ZSWIM5: variants seen among roughly 807,000 people sequenced by gnomAD.
ZSWIM5 encodes the protein zinc finger SWIM domain-containing protein 5.
In ZSWIM5, 55 loss-of-function variants were observed where a neutral mutation model predicts 119.6. That is an observed-to-expected ratio of 0.46 (90% CI 0.37 to 0.58). The LOEUF (loss-of-function observed/expected upper bound fraction) is 0.58. Among genes scored for constraint, ZSWIM5 ranks in the 20% least tolerant of loss-of-function variants. ZSWIM5 has a pLI of 0.00. For synonymous variants in ZSWIM5, 537 were observed against 606.9 expected (o/e 0.88, Z 1.69); for missense variants, 1,193 against 1,512.8 (o/e 0.79, Z 3.51).
chr1:45,120,371 C>A (rs1214878071), intron 1 of ZSWIM5, among the ~76,000 whole-genome samples: 2 of 152,158 alleles, frequency 1.3e-5, no homozygotes, highest in African/African-American at 4.8e-5. Context: ...CAAATTGACA[C>A]TAATACATTA....
rs1011465412 is a variant in ZSWIM5, at chr1:45,082,543, G to T, written c.952+5338C>A. On this transcript the variant is annotated intron_variant, in intron 2 of 13. Transcript: ENST00000359600. The stretch of plus-strand genomic sequence containing the variant: ...AGTCCTCACTCATCCAATACACTTG[G>T]ATCTTCAGTCCAGTCCATTTTATCT... 2.2e-4 allele frequency among the ~76,000 whole-genome samples: 34 copies of T among 152,052 alleles called. 1 individual carries two copies. Among genetic ancestry groups the T allele is most frequent in the Admixed American group, 1.9e-3 (29 of 15,262 alleles).
intron 2 of ZSWIM5, among the ~76,000 whole-genome samples, chr1:45,070,758 T>A (rs1645217276): frequency 6.6e-6 from 1 of 152,236 alleles, no homozygotes; most frequent in Admixed American, 6.5e-5. Flanking sequence ...TGATAATAAC[T>A]TGCTAGTTTT....
At chr1:45,181,666 G>C (rs960122657) in intron 1 of ZSWIM5, among the ~76,000 whole-genome samples, 13 of 152,162 alleles carry the variant, frequency 8.5e-5, no homozygotes, top group African/African-American at 3.1e-4. Flanking sequence ...AAAAAATGTT[G>C]AGGGCAGCCA....
intron 7 of ZSWIM5, among the ~76,000 whole-genome samples, chr1:45,039,453 T>C (rs1645005952): frequency 6.6e-6 from 1 of 152,256 alleles, no homozygotes. Flanking sequence ...TGGCGTGATC[T>C]TGGCTCATTG....
chr1:45,160,621 T>C (rs1389064198), intron 1 of ZSWIM5, among the ~76,000 whole-genome samples: 1 of 151,900 alleles, frequency 6.6e-6, no homozygotes, highest in Non-Finnish European at 1.5e-5. Context: ...TTCATTCTTA[T>C]GGCCGAATAG....
intron 1 of ZSWIM5, among the ~76,000 whole-genome samples, chr1:45,202,900 C>T (rs1646166325): frequency 6.6e-6 from 1 of 151,962 alleles, no homozygotes; most frequent in African/African-American, 2.4e-5. Flanking sequence ...TCTGCAGACT[C>T]CTGAATAAGT....
At chr1:45,068,955 A>G (rs1426309408) in intron 2 of ZSWIM5, among the ~76,000 whole-genome samples, 1 of 150,510 alleles carries the variant, frequency 6.6e-6, no homozygotes, top group Non-Finnish European at 1.5e-5. Context: ...ACAGGCACAC[A>G]CCACCATGCC....
chr1:45,078,390 C>T (rs567168216), intron 2 of ZSWIM5, among the ~76,000 whole-genome samples: 14 of 152,110 alleles, frequency 9.2e-5, no homozygotes, highest in East Asian at 1.9e-4. Context: ...AGTGGTCACC[C>T]CAACCCCAGT....
At chr1:45,086,498 C>A (rs1201719257) in intron 2 of ZSWIM5, among the ~76,000 whole-genome samples, 1 of 152,034 alleles carries the variant, frequency 6.6e-6, no homozygotes, top group Non-Finnish European at 1.5e-5. Flanking sequence ...AGTTTTGAAA[C>A]CTAAATGAAT....
intron 5 of ZSWIM5, 41 bp downstream of exon 5, chr1:45,051,032 GA>G: frequency 6.3e-7 from 1 of 1,579,308 alleles, no homozygotes. Flanking sequence ...CCCACCTTTT[GA>G]AGTTCCAGGT....
intron 5 of ZSWIM5, among the ~76,000 whole-genome samples, chr1:45,049,082 G>A (rs1645074125): frequency 6.6e-6 from 1 of 152,166 alleles, no homozygotes; most frequent in Non-Finnish European, 1.5e-5. Flanking sequence ...AGTGAGACGA[G>A]ATCACGCCAC....
At chr1:45,169,611 A>G (rs1178370802) in intron 1 of ZSWIM5, among the ~76,000 whole-genome samples, 3 of 152,006 alleles carry the variant, frequency 2.0e-5, no homozygotes, top group Non-Finnish European at 4.4e-5. Context: ...AATATATTTC[A>G]TCATGTCACT....
intron 1 of ZSWIM5, among the ~76,000 whole-genome samples, chr1:45,092,794 G>A (rs568028675): frequency 6.6e-6 from 1 of 152,320 alleles, no homozygotes; most frequent in South Asian, 2.1e-4. Context: ...AGTCTTACAA[G>A]CGAAAGTCTA....
intron 2 of ZSWIM5, among the ~76,000 whole-genome samples, chr1:45,079,747 G>A (rs1198122420): frequency 2.0e-5 from 3 of 152,174 alleles, no homozygotes; most frequent in Non-Finnish European, 4.4e-5. Flanking sequence ...AAGCCAGCAA[G>A]TTTCAGAGTC....
chr1:45,051,321 A>T, intron 4 of ZSWIM5, 68 bp from the exon 5 acceptor site: 1 of 1,421,114 alleles, frequency 7.0e-7, no homozygotes, highest in Non-Finnish European at 9.4e-7. Flanking sequence ...TTAATGTTTC[A>T]GTTTCATTTT....
chr1:45,110,267 C>A (rs941843607), intron 1 of ZSWIM5, among the ~76,000 whole-genome samples: 1 of 152,180 alleles, frequency 6.6e-6, no homozygotes, highest in Non-Finnish European at 1.5e-5. Flanking sequence ...CAGACTATAG[C>A]TCAGAAAGTA....
At chr1:45,197,657 T>G (rs1318360651) in intron 1 of ZSWIM5, among the ~76,000 whole-genome samples, 1 of 152,230 alleles carries the variant, frequency 6.6e-6, no homozygotes, top group Non-Finnish European at 1.5e-5. Flanking sequence ...TCAAAAAGTT[T>G]GTGAAGTTTG....
intron 11 of ZSWIM5, among the ~76,000 whole-genome samples, chr1:45,028,680 C>T (rs1361667653): frequency 6.6e-6 from 1 of 152,018 alleles, no homozygotes; most frequent in East Asian, 1.9e-4. Flanking sequence ...CATTTGAACT[C>T]CGGGCACAGG....
chr1:45,044,789 A>T (rs1260004705), intron 5 of ZSWIM5, among the ~76,000 whole-genome samples: 34 of 2,814 alleles, frequency 0.012, 10 homozygotes, highest in African/African-American at 0.043. Flanking sequence ...ATATATATAT[A>T]AATATATATA....
Sources: gnomAD v4.1 joint callset for allele counts (sites outside exome capture counted in the v4.1 genomes callset) on GRCh38, gnomAD v4.1.1 for gene constraint, MANE v1.5 for transcripts, NCBI Gene and HGNC (gene_info 2026-07-23, HGNC 2026-07-21) for gene names.